Variants in SCAF8 observed in about 807,000 individuals in gnomAD.
The protein encoded by SCAF8 is SR-related and CTD-associated factor 8.
In SCAF8, 23 loss-of-function variants were observed where a neutral mutation model predicts 140.5. The observed-to-expected ratio is 0.16, with a 90% CI of 0.12 to 0.23. The LOEUF (loss-of-function observed/expected upper bound fraction) is 0.23. SCAF8 is among the 10% of genes least tolerant of loss of function. The pLI is 1.00. For synonymous variants in SCAF8, 575 were observed against 528.9 expected (o/e 1.09, Z -1.20); for missense variants, 1,397 against 1,555.7 (o/e 0.90, Z 1.72).
intron 7 of SCAF8, 57 bp downstream of exon 7, chr6:154,802,204 CA>C (rs1777792563): frequency 1.9e-6 from 2 of 1,027,346 alleles, no homozygotes; most frequent in East Asian, 5.6e-5. Context: ...TATATACTAT[CA>C]TGGATTTTAA....
intron 1 of SCAF8, among the ~76,000 whole-genome samples, chr6:154,735,431 T>G (rs1416143146): frequency 6.6e-6 from 1 of 152,096 alleles, no homozygotes. Context: ...CAGTGATACA[T>G]AACTTTTTTT....
At chr6:154,824,400 A>G (rs1363048791) in intron 17 of SCAF8, 22 bp downstream of exon 17, 2 of 1,592,100 alleles carry the variant, frequency 1.3e-6, no homozygotes, top group African/African-American at 1.3e-5. Flanking sequence ...TTGTTTTAAT[A>G]TTTGAACTCT....
In SCAF8 at chr6:154,805,399, C is replaced by A. The variant is rs755596424; in HGVS notation, c.894C>A (p.Ser298=). ...ACGTTTCAGAATCTGTGAACAATTC[C>A]ATTTTTCATCAGATAGCAGAACAAC... is the stretch of plus-strand genomic sequence containing the variant. The part of the protein sequence containing the change: ...LSHVSESVNN[S]IFHQIAEQLQ... Residue 298 remains serine, a synonymous_variant, in exon 9 of 20, where the codon TCC becomes TCA. Transcript: ENST00000367178. 71 of 1,610,048 alleles carry A rather than the reference C, an allele frequency of 4.4e-5. 1 individual carries two copies. The highest frequency in any genetic ancestry group is 2.5e-4 in the South Asian group (23 of 90,764).
intron 1 of SCAF8, among the ~76,000 whole-genome samples, chr6:154,740,819 A>G (rs80309916): frequency 3.3e-5 from 5 of 151,944 alleles, no homozygotes; most frequent in Non-Finnish European, 7.4e-5. Flanking sequence ...GGGTCTTGCC[A>G]TATTGCCCAG....
chr6:154,772,232 C>T (rs1372165807), intron 1 of SCAF8, among the ~76,000 whole-genome samples: 1 of 152,124 alleles, frequency 6.6e-6, no homozygotes, highest in Non-Finnish European at 1.5e-5. Context: ...TTCTGATGGC[C>T]AAAGTTTAGT....
At chr6:154,758,525 C>G (rs1779021313) in intron 1 of SCAF8, among the ~76,000 whole-genome samples, 1 of 152,098 alleles carries the variant, frequency 6.6e-6, no homozygotes, top group African/African-American at 2.4e-5. Context: ...TAGTATGAGC[C>G]CAGGACGTAG....
chr6:154,833,671 T>G lies in SCAF8; in HGVS notation c.*276T>G. On this transcript the variant is annotated 3_prime_UTR_variant, in exon 20 of 20. Coordinates refer to ENST00000367178, the MANE Select transcript of SCAF8 (RefSeq NM_014892.5). ...AACGTCAAGGAAATGAATAACAGCT[T>G]GTCAGAGACTTCCTATGGAAGAAAG... 1 of 290,916 alleles carries G rather than the reference T, an allele frequency of 3.4e-6. No individual in the cohort carries two copies. Among genetic ancestry groups the G allele is most frequent in the Non-Finnish European group, 6.4e-6 (1 of 157,246 alleles). The allele number at this position is 290,916 out of a possible 1,614,324, so 18.0% of individuals were successfully genotyped here.
rs1046338470 is a variant in SCAF8 at position 154,819,228 on chromosome 6, A to G, written c.1635+636A>G. ...AGTTAATATATGCTCATCTTTTTTC[A>G]TTCATGACTGAGTTTCTTGTGTAAA... On this transcript the variant is annotated intron_variant, in intron 14 of 19. Coordinates refer to ENST00000367178, the MANE Select transcript of SCAF8 (RefSeq NM_014892.5). 6.6e-5 allele frequency among the ~76,000 whole-genome samples: 10 copies of G among 152,210 alleles called. No individual in the cohort carries two copies. In the East Asian group the frequency reaches 1.9e-3, roughly 29 times the overall value.
intron 1 of SCAF8, among the ~76,000 whole-genome samples, chr6:154,746,948 T>C (rs1334516892): frequency 6.6e-6 from 1 of 152,230 alleles, no homozygotes; most frequent in African/African-American, 2.4e-5. Flanking sequence ...ACTTATGCTC[T>C]GATAAAAAAC....
At chr6:154,827,976 G>C (rs1247703657) in intron 18 of SCAF8, among the ~76,000 whole-genome samples, 1 of 152,020 alleles carries the variant, frequency 6.6e-6, no homozygotes, top group Non-Finnish European at 1.5e-5. Flanking sequence ...TCCTCCACCA[G>C]AGTGGTACGT....
Position 154,743,553 on chromosome 6 carries a change from TG to T in SCAF8, c.30+9624del, listed in dbSNP as rs150860460. ...TGATGTCCTTTTTGTAAATATTTTC[TG>T]AATTTGATGTGATTCCTCAGGGTTC... On this transcript the variant is annotated intron_variant, in intron 1 of 19. Transcript: ENST00000367178. Among the ~76,000 whole-genome samples, 3 of 152,346 alleles carry T rather than the reference TG, an allele frequency of 2.0e-5. No individual in the cohort carries two copies. The East Asian group carries it at 5.8e-4, about 29-fold the overall frequency.
intron 13 of SCAF8, among the ~76,000 whole-genome samples, chr6:154,817,495 A>G (rs1340112096): frequency 6.6e-6 from 1 of 152,206 alleles, no homozygotes; most frequent in African/African-American, 2.4e-5. Context: ...TTCAAAGACA[A>G]AGTCCATTCA....
chr6:154,805,540 A>G (rs937827427), intron 9 of SCAF8, 54 bp downstream of exon 9: 2 of 1,012,932 alleles, frequency 2.0e-6, no homozygotes, highest in Non-Finnish European at 1.4e-6. Flanking sequence ...TATTCTATAA[A>G]TTGGCATTTT....
Position 154,822,375 on chromosome 6 carries a change from C to G in SCAF8, c.1892C>G (p.Ala631Gly). 1 of 1,613,406 alleles carries G rather than the reference C, an allele frequency of 6.2e-7. No homozygotes were observed. The highest frequency in any genetic ancestry group is 8.5e-7 in the Non-Finnish European group (1 of 1,179,612). The stretch of plus-strand genomic sequence containing the variant: ...AAGGAGACAGTGGTCACAACCCAGG[C>G]AGAGGTTTTCCCTCCTCCTGTTGCT... ...VEKETVVTTQ[A>G]EVFPPPVAML... The change falls in exon 16 of 20, where the codon GCA becomes GGA. Residue 631 changes from alanine to glycine, a missense_variant. Coordinates refer to ENST00000367178, the MANE Select transcript of SCAF8 (RefSeq NM_014892.5).
At chr6:154,810,573 GCA>G (rs1251019198) in intron 12 of SCAF8, among the ~76,000 whole-genome samples, 1 of 152,176 alleles carries the variant, frequency 6.6e-6, no homozygotes, top group Non-Finnish European at 1.5e-5. Context: ...ATTAAAGGAA[GCA>G]TATACTTAGC....
At chr6:154,794,108 T>A (rs1169498402) in intron 5 of SCAF8, among the ~76,000 whole-genome samples, 3 of 151,972 alleles carry the variant, frequency 2.0e-5, no homozygotes, top group African/African-American at 2.4e-5. Context: ...GTTGTTATTG[T>A]TGTTAGAGAC....
rs1583063536 is a variant in SCAF8 at position 154,818,405 on chromosome 6, TG to T, written c.1522-73del. 12 of 650,194 alleles carry T rather than the reference TG, an allele frequency of 1.8e-5. No homozygotes were observed. In the East Asian group the frequency reaches 3.6e-4, roughly 19 times the overall value. The allele number at this position is 650,194 out of a possible 1,614,324, so 40.3% of individuals were successfully genotyped here. ...GTATTAGTAAGTAGTCAATGTTTTGTGTCATTTAAACCATAAAATACCAGAA... is the reference window on the plus strand; with the variant it reads ...GTATTAGTAAGTAGTCAATGTTTTGTTCATTTAAACCATAAAATACCAGAA... On this transcript the variant is annotated intron_variant, in intron 13 of 19. Coordinates refer to ENST00000367178, the MANE Select transcript of SCAF8 (RefSeq NM_014892.5).
At chr6:154,805,852 A>G (rs1777898505) in intron 9 of SCAF8, among the ~76,000 whole-genome samples, 1 of 152,178 alleles carries the variant, frequency 6.6e-6, no homozygotes, top group African/African-American at 2.4e-5. Flanking sequence ...GTTCCCTATC[A>G]AGCAAGTTGA....
chr6:154,829,779 C>T (rs926159543), intron 18 of SCAF8, among the ~76,000 whole-genome samples: 2 of 151,994 alleles, frequency 1.3e-5, no homozygotes, highest in South Asian at 4.2e-4. Flanking sequence ...TGGTGGCGCA[C>T]GCCTGTAATC....
Sources: allele counts gnomAD v4.1 joint callset (sites outside exome capture counted in the v4.1 genomes callset), GRCh38; gene constraint gnomAD v4.1.1; transcripts MANE v1.5; gene names NCBI Gene and HGNC (gene_info 2026-07-23, HGNC 2026-07-21).